DSCAM: variants seen among roughly 807,000 people sequenced by gnomAD.
The protein encoded by DSCAM is cell adhesion molecule DSCAM.
A neutral mutation model predicts 217.7 loss-of-function variants in DSCAM; 47 were observed. The ratio of observed to expected loss-of-function variants is 0.22; its 90% confidence interval spans 0.17 to 0.28. The LOEUF is 0.28. Ranked by LOEUF, DSCAM falls within the 10% of genes least tolerant of loss-of-function variation. DSCAM has a pLI of 1.00. For missense variants in DSCAM, 2,080 were observed against 2,618.3 expected, an observed-to-expected ratio of 0.79 and a Z score of 4.49; for synonymous variants, 1,056 against 1,015.3, an observed-to-expected ratio of 1.04 and a Z score of -0.76.
At chr21:40,476,127 C>CA (rs2075933511) in intron 3 of DSCAM, among the ~76,000 whole-genome samples, 1 of 152,108 alleles carries the variant, frequency 6.6e-6, no homozygotes, top group South Asian at 2.1e-4. Context: ...GCTTCACTCC[C>CA]ATGCTGTACT....
At chr21:40,825,313 CCTTT>C (rs1387806567) in intron 1 of DSCAM, among the ~76,000 whole-genome samples, 2 of 134,168 alleles carry the variant, frequency 1.5e-5, no homozygotes, top group Non-Finnish European at 3.3e-5. Context: ...TTCCTTCCTT[CCTTT>C]TTTTCTTCCT....
chr21:40,172,183 C>T (rs1216483855), intron 15 of DSCAM, among the ~76,000 whole-genome samples: 3 of 152,136 alleles, frequency 2.0e-5, no homozygotes, highest in Admixed American at 6.5e-5. Flanking sequence ...GCAGGATAAC[C>T]GCTTGAACCC....
At chr21:40,281,404 AG>A (rs1488627186) in intron 10 of DSCAM, among the ~76,000 whole-genome samples, 1 of 152,202 alleles carries the variant, frequency 6.6e-6, no homozygotes, top group African/African-American at 2.4e-5. Context: ...CCATTCCACA[AG>A]AATAGGGACC....
At chr21:40,723,269 G>A (rs905547310) in intron 1 of DSCAM, among the ~76,000 whole-genome samples, 1 of 152,008 alleles carries the variant, frequency 6.6e-6, no homozygotes, top group Admixed American at 6.6e-5. Flanking sequence ...AGTGTCCTAG[G>A]TCCCCAATCC....
rs1386426731 is a variant in DSCAM, at chr21:40,013,386, C to T, written c.5687G>A (p.Gly1896Asp). Residue 1896 changes from glycine (G) to aspartate (D), a missense_variant and splice_region_variant, in exon 33 of 33, where the codon GGT becomes GAT. Around this residue, in one of 5 missense-constraint regions of DSCAM, gnomAD observed 145 missense variants for 138.5 expected, o/e 1.05. Coordinates refer to ENST00000400454, the MANE Select transcript of DSCAM (RefSeq NM_001389.5). ...GTATGGAGGCAAATGTATGAGGTCA[C>T]CTAGAAGGAAAGACAGGGTAGTTAG... is the stretch of plus-strand genomic sequence containing the variant. Reference protein sequence around the residue: ...NMAVPKAHRPGDLIHLPPYLR... With the variant: ...NMAVPKAHRPDDLIHLPPYLR... The T allele has an allele frequency of 6.5e-7, 1 of 1,536,482 alleles. No homozygotes were observed. The highest frequency in any genetic ancestry group is 8.8e-7 in the Non-Finnish European group (1 of 1,142,194).
chr21:40,389,468 G>C (rs1008246795), intron 3 of DSCAM, among the ~76,000 whole-genome samples: 1 of 152,126 alleles, frequency 6.6e-6, no homozygotes, highest in Non-Finnish European at 1.5e-5. Flanking sequence ...ATAGATTATA[G>C]AAAATCTATG....
intron 3 of DSCAM, among the ~76,000 whole-genome samples, chr21:40,679,591 A>C (rs2090377844): frequency 6.6e-6 from 1 of 152,232 alleles, no homozygotes; most frequent in Non-Finnish European, 1.5e-5. Context: ...GACATGTGCT[A>C]CAAGTATTTT....
At chr21:40,197,506 C>T (rs961936270) in intron 11 of DSCAM, among the ~76,000 whole-genome samples, 2 of 152,220 alleles carry the variant, frequency 1.3e-5, no homozygotes, top group South Asian at 2.1e-4. Context: ...CTCTCCTATC[C>T]CTAATGCAAA....
At chr21:40,701,233 T>A (rs189782796) in intron 2 of DSCAM, among the ~76,000 whole-genome samples, 1 of 152,330 alleles carries the variant, frequency 6.6e-6, no homozygotes, top group East Asian at 1.9e-4. Context: ...TTCATCTACT[T>A]TTCTTAATGT....
At chr21:40,273,849 G>A (rs1483721490) in intron 11 of DSCAM, among the ~76,000 whole-genome samples, 7 of 152,166 alleles carry the variant, frequency 4.6e-5, no homozygotes, top group Non-Finnish European at 5.9e-5. Flanking sequence ...GGGTCCCTTC[G>A]ATAAGGACAC....
intron 1 of DSCAM, among the ~76,000 whole-genome samples, chr21:40,787,791 C>G (rs2091606958): frequency 1.3e-5 from 2 of 150,890 alleles, no homozygotes; most frequent in Non-Finnish European, 2.9e-5. Flanking sequence ...GTATAAGGAT[C>G]AGAATTCGAG....
chr21:40,442,515 TTG>T (rs200675637), intron 3 of DSCAM, among the ~76,000 whole-genome samples: 26,577 of 95,644 alleles, frequency 0.28, 3,789 homozygotes, highest in Non-Finnish European at 0.34. Context: ...AATTTTTTTT[TTG>T]TTTTTTTTTT....
intron 3 of DSCAM, among the ~76,000 whole-genome samples, chr21:40,524,872 T>C (rs933107124): frequency 6.6e-6 from 1 of 151,892 alleles, no homozygotes; most frequent in Non-Finnish European, 1.5e-5. Context: ...TAGCCAGGCG[T>C]GGTGGCATGC....
Position 40,042,670 on chromosome 21 carries a change from C to T in DSCAM, c.5387G>A (p.Arg1796Gln), listed in dbSNP as rs1192666369. The T allele has an allele frequency of 1.4e-6, 2 of 1,391,650 alleles. No individual in the cohort carries two copies. The highest frequency in any genetic ancestry group is 1.9e-6 in the Non-Finnish European group (2 of 1,069,272). The allele number at this position is 1,391,650 out of a possible 1,614,324, so 86.2% of individuals were successfully genotyped here. The change falls in exon 32 of 33, where the codon CGA becomes CAA. Residue 1796 changes from arginine to glutamine, a missense_variant. Arg to Gln is a conservative substitution (Grantham distance 43). Around this residue, in one of 5 missense-constraint regions of DSCAM, gnomAD observed 1,144 missense variants for 1,421.1 expected, o/e 0.81. Coordinates refer to ENST00000400454, the MANE Select transcript of DSCAM (RefSeq NM_001389.5). The part of the protein sequence containing the change: ...YSVSPSQDTD[R>Q]ARSSMVSTES... ...TGTGGAGACCATGCTGCTTCTTGCT[C>T]GATCTACACCAGGAAAGAGAAAAAC...
intron 1 of DSCAM, among the ~76,000 whole-genome samples, chr21:40,819,595 C>G (rs917571202): frequency 6.6e-6 from 1 of 152,192 alleles, no homozygotes; most frequent in South Asian, 2.1e-4. Context: ...AGTCAACCAA[C>G]GAGATCATTG....
intron 3 of DSCAM, among the ~76,000 whole-genome samples, chr21:40,423,575 T>C (rs1039258269): frequency 6.6e-6 from 1 of 152,176 alleles, no homozygotes; most frequent in Non-Finnish European, 1.5e-5. Context: ...CCTGCTTCAG[T>C]CTCTTCCAAG....
intron 15 of DSCAM, among the ~76,000 whole-genome samples, chr21:40,173,137 G>C (rs2090677413): frequency 6.6e-6 from 1 of 152,130 alleles, no homozygotes; most frequent in Non-Finnish European, 1.5e-5. Context: ...CTGCCCTGGT[G>C]GGATGGGATC....
intron 3 of DSCAM, among the ~76,000 whole-genome samples, chr21:40,601,487 C>A (rs2077061666): frequency 6.6e-6 from 1 of 152,148 alleles, no homozygotes; most frequent in Admixed American, 6.5e-5. Flanking sequence ...TCTTCTCAAT[C>A]TGTATATATT....
At chr21:40,475,557 T>C (rs371071407) in intron 3 of DSCAM, among the ~76,000 whole-genome samples, 219 of 152,258 alleles carry the variant, frequency 1.4e-3, no homozygotes, top group African/African-American at 4.3e-3. Flanking sequence ...CCATACAAAA[T>C]GGTCAGCCTG....
Sources: allele counts gnomAD v4.1 joint callset (sites outside exome capture counted in the v4.1 genomes callset), GRCh38; gene constraint gnomAD v4.1.1; regional missense constraint gnomAD v4.1.1; transcripts MANE v1.5; gene names NCBI Gene and HGNC (gene_info 2026-07-23, HGNC 2026-07-21).